TEAD1: variants seen among roughly 807,000 people sequenced by gnomAD.
TEAD1 encodes transcriptional enhancer factor TEF-1.
TEAD1 carries 9 observed loss-of-function variants against 54.9 expected under a neutral mutation model. That is an observed-to-expected ratio of 0.16 (90% CI 0.10 to 0.29). The LOEUF (loss-of-function observed/expected upper bound fraction) is 0.29, where lower values mean the gene tolerates loss of function less well. Among genes scored for constraint, TEAD1 ranks in the 10% least tolerant of loss-of-function variants. TEAD1 has a pLI of 1.00. For missense variants in TEAD1, 387 were observed against 535.9 expected, an observed-to-expected ratio of 0.72 and a Z score of 2.74; for synonymous variants, 200 against 187.8, an observed-to-expected ratio of 1.07 and a Z score of -0.53.
intron 3 of TEAD1, among the ~76,000 whole-genome samples, chr11:12,826,045 G>A (rs1946647562): frequency 6.6e-6 from 1 of 152,202 alleles, no homozygotes; most frequent in African/African-American, 2.4e-5. Context: ...AGGCTAAAGT[G>A]TAGAAGGTTA....
At chr11:12,794,895 A>C (rs113453080) in intron 3 of TEAD1, among the ~76,000 whole-genome samples, 290 of 152,316 alleles carry the variant, frequency 1.9e-3, no homozygotes, top group African/African-American at 6.2e-3. Flanking sequence ...TCTGACAAGG[A>C]AAGGAAATCC....
chr11:12,831,186 G>A lies in TEAD1; in HGVS notation c.203-31064G>A, dbSNP rs75472802. Among the ~76,000 whole-genome samples the A allele has an allele frequency of 9.9e-3, 1,504 of 152,216 alleles. 23 individuals carry two copies. Among genetic ancestry groups the A allele is most frequent in the African/African-American group, 0.034 (1,429 of 41,528 alleles). On this transcript the variant is annotated intron_variant, in intron 3 of 12. Transcript: ENST00000527636. ...CTCCTCCAGGAAGCCTTCCTTGTCT[G>A]GTTTTCTTCCTTCTAACTCTCCCCA...
chr11:12,879,546 T>G, intron 5 of TEAD1, 162 bp from the exon 6 acceptor site: 1 of 830,660 alleles, frequency 1.2e-6, no homozygotes, highest in Non-Finnish European at 2.0e-6. Flanking sequence ...AGGTTGAGTG[T>G]GGTTTAGCCT....
chr11:12,919,559 T>C (rs1589989673), intron 10 of TEAD1, among the ~76,000 whole-genome samples: 3 of 152,122 alleles, frequency 2.0e-5, no homozygotes, highest in African/African-American at 7.2e-5. Flanking sequence ...GTGGTACAAA[T>C]CATGGCTCAT....
chr11:12,920,235 A>T (rs1948779195), intron 10 of TEAD1, among the ~76,000 whole-genome samples: 1 of 152,228 alleles, frequency 6.6e-6, no homozygotes, highest in African/African-American at 2.4e-5. Context: ...CACCAGCGTT[A>T]CTTAAGCATG....
At chr11:12,707,114 CTTTTTTTTTT>C (rs11366620) in intron 2 of TEAD1, among the ~76,000 whole-genome samples, 61 of 76,270 alleles carry the variant, frequency 8.0e-4, no homozygotes, top group Admixed American at 1.2e-3. Context: ...ACTTGTGGGA[CTTTTTTTTTT>C]TTTTTTTTTT....
At chr11:12,694,918 T>C (rs973788076) in intron 2 of TEAD1, among the ~76,000 whole-genome samples, 2 of 152,066 alleles carry the variant, frequency 1.3e-5, no homozygotes, top group Non-Finnish European at 1.5e-5. Flanking sequence ...GGAAAAAAAT[T>C]TGAGATGATG....
intron 3 of TEAD1, among the ~76,000 whole-genome samples, chr11:12,780,547 G>C (rs376202018): frequency 2.0e-5 from 3 of 152,032 alleles, no homozygotes; most frequent in Non-Finnish European, 4.4e-5. Context: ...CCTGCCACTC[G>C]ATTGTATTTC....
chr11:12,926,360 G>C (rs1252426095), intron 11 of TEAD1, among the ~76,000 whole-genome samples: 2 of 152,154 alleles, frequency 1.3e-5, no homozygotes, highest in Non-Finnish European at 2.9e-5. Flanking sequence ...AGTTGACTCA[G>C]ATGGACAATT....
intron 3 of TEAD1, among the ~76,000 whole-genome samples, chr11:12,837,301 A>ACACT (rs10654576): frequency 1 from 152,210 of 152,250 alleles, 76,085 homozygotes; most frequent in Middle Eastern, 1. Flanking sequence ...ATTTCTGCAA[A>ACACT]CAAGAAAAGG....
At chr11:12,888,342 C>G (rs948919767) in intron 9 of TEAD1, among the ~76,000 whole-genome samples, 36 of 152,316 alleles carry the variant, frequency 2.4e-4, no homozygotes, top group African/African-American at 8.4e-4. Flanking sequence ...AACCCTATCT[C>G]TACTAAAAAT....
chr11:12,806,694 A>T (rs1396612923), intron 3 of TEAD1, among the ~76,000 whole-genome samples: 1 of 152,230 alleles, frequency 6.6e-6, no homozygotes, highest in African/African-American at 2.4e-5. Context: ...AGTAGTTTCA[A>T]CCAAGTAGTT....
chr11:12,850,413 G>GC (rs1243611580), intron 3 of TEAD1, among the ~76,000 whole-genome samples: 1 of 152,230 alleles, frequency 6.6e-6, no homozygotes, highest in Non-Finnish European at 1.5e-5. Context: ...TCCAGCCTGG[G>GC]CAACAGGAGT....
intron 3 of TEAD1, chr11:12,850,999 A>G (rs1947261845): frequency 1.1e-6 from 1 of 887,558 alleles, no homozygotes; most frequent in South Asian, 5.2e-5. Flanking sequence ...AAGGATTTAC[A>G]GATTTCAGGT....
intron 2 of TEAD1, among the ~76,000 whole-genome samples, chr11:12,681,107 A>C (rs1943211589): frequency 6.6e-6 from 1 of 152,180 alleles, no homozygotes; most frequent in Admixed American, 6.5e-5. Flanking sequence ...GGTTAGAGTT[A>C]GAGCTCCATT....
chr11:12,879,938 G>T, intron 6 of TEAD1, 96 bp downstream of exon 6: 2 of 1,582,770 alleles, frequency 1.3e-6, no homozygotes, highest in South Asian at 2.2e-5. Context: ...TGTCATGTGG[G>T]TCAGGTATGT....
chr11:12,905,902 C>G (rs1948509479), intron 10 of TEAD1, among the ~76,000 whole-genome samples: 1 of 152,148 alleles, frequency 6.6e-6, no homozygotes, highest in African/African-American at 2.4e-5. Flanking sequence ...TGGAAGAATA[C>G]TATGTGTTAC....
chr11:12,800,591 G>A (rs1946035977), intron 3 of TEAD1, among the ~76,000 whole-genome samples: 1 of 152,186 alleles, frequency 6.6e-6, no homozygotes, highest in Non-Finnish European at 1.5e-5. Context: ...TTCAAGGTCA[G>A]CTTCCCTCCT....
chr11:12,826,645 A>G (rs1946662554), intron 3 of TEAD1, among the ~76,000 whole-genome samples: 1 of 152,216 alleles, frequency 6.6e-6, no homozygotes, highest in East Asian at 1.9e-4. Flanking sequence ...ACTTAACTCC[A>G]TCAAATCCTT....
Sources: gnomAD v4.1 joint callset for allele counts (sites outside exome capture counted in the v4.1 genomes callset) on GRCh38, gnomAD v4.1.1 for gene constraint, MANE v1.5 for transcripts, NCBI Gene and HGNC (gene_info 2026-07-23, HGNC 2026-07-21) for gene names.